Variants in MYH16 observed in about 807,000 individuals in gnomAD.
MYH16 encodes putative uncharacterized protein MYH16.
downstream of MYH16, among the ~76,000 whole-genome samples, chr7:99,307,674 GC>G (rs1792701194): frequency 1.3e-5 from 2 of 151,824 alleles, no homozygotes; most frequent in African/African-American, 2.4e-5. Flanking sequence ...CAATGATCTA[GC>G]ATTCCAGCCT....
chr7:99,272,986 G>A (rs1046602107), intron 19 of MYH16, among the ~76,000 whole-genome samples: 3 of 152,112 alleles, frequency 2.0e-5, no homozygotes, highest in African/African-American at 7.2e-5. Flanking sequence ...AACAAGAAAC[G>A]GGCAGATTCC....
At chr7:99,270,323 A>ATTT (rs1181065806) in intron 18 of MYH16, among the ~76,000 whole-genome samples, 1 of 136,246 alleles carries the variant, frequency 7.3e-6, no homozygotes, top group Non-Finnish European at 1.6e-5. Flanking sequence ...AGAAAAAAAA[A>ATTT]TTTTTTTTTT....
At chr7:99,287,533 C>CAAAAAAAAA (rs397889162) in intron 28 of MYH16, among the ~76,000 whole-genome samples, 7 of 46,876 alleles carry the variant, frequency 1.5e-4, no homozygotes, top group African/African-American at 4.7e-4. Flanking sequence ...AACTTCTTCT[C>CAAAAAAAAA]AAAAAAAAAA....
rs1166234974 is a variant in MYH16, at chr7:99,283,863, G to A, written n.3080-10G>A. 3 of 454,610 alleles carry A rather than the reference G, an allele frequency of 6.6e-6. No individual in the cohort carries two copies. The highest frequency in any genetic ancestry group is 2.4e-5 in the Admixed American group (1 of 42,414). The allele number at this position is 454,610 out of a possible 1,614,324, so 28.2% of individuals were successfully genotyped here. A position where few individuals can be genotyped will look rare whatever the true frequency, so the allele number is the denominator to read the frequency against. ...TCGTCTACCTTCTCTTGCTGTTCTT[G>A]TCTCTGTAGCTGGAGGATAACTGGG... On this transcript the variant is annotated splice_polypyrimidine_tract_variant and intron_variant and non_coding_transcript_variant, in intron 24 of 41. Coordinates refer to ENST00000439784, the Ensembl canonical transcript of MYH16.
rs1792041159 is a variant in MYH16 at position 99,271,121 on chromosome 7, G to GC, written n.2403+31dup. On this transcript the variant is annotated intron_variant and non_coding_transcript_variant, in intron 19 of 41. Transcript: ENST00000439784. ...AGCACTCACAAACACCGACAGGAAG[G>GC]CCCAGAGGAGCCACACGCACTCAGG... 2.0e-5 allele frequency: 3 copies of GC among 152,618 alleles called. No homozygotes were observed. The South Asian group carries it at 6.2e-4, about 32-fold the overall frequency. The allele number at this position is 152,618 out of a possible 1,614,324, so 9.5% of individuals were successfully genotyped here.
chr7:99,307,731 A>G (rs142765574), downstream of MYH16, among the ~76,000 whole-genome samples: 449 of 151,968 alleles, frequency 3.0e-3, 4 homozygotes, highest in African/African-American at 0.01. Context: ...AAGTCAAAAT[A>G]CTAGTTTTAT....
chr7:99,279,857 G>T (rs1244355944), intron 22 of MYH16, 120 bp downstream of exon 4: 1 of 358,994 alleles, frequency 2.8e-6, no homozygotes, highest in Non-Finnish European at 5.5e-6. Context: ...GCAGTTTTTT[G>T]GGGGTTTTTT....
exon 37 of MYH16, chr7:99,299,622 T>C (rs531115477): frequency 6.5e-6 from 1 of 153,520 alleles, no homozygotes; most frequent in South Asian, 2.1e-4. Context: ...ACAGCGAACT[T>C]GTAAAGACAT....
chr7:99,283,189 C>T (rs1792225623), intron 23 of MYH16, among the ~76,000 whole-genome samples: 2 of 152,170 alleles, frequency 1.3e-5, no homozygotes, highest in South Asian at 4.1e-4. Flanking sequence ...GCCCCAACCT[C>T]CTGGGCTCGT....
At chr7:99,285,587 T>C (rs1792266477) in intron 27 of MYH16, 149 bp downstream of exon 9, 13 of 388,818 alleles carry the variant, frequency 3.3e-5, no homozygotes, top group South Asian at 2.5e-4. Context: ...ACCTACTGTG[T>C]GCCAGGGACT....
intron 36 of MYH16, 95 bp downstream of exon 17, chr7:99,298,090 G>A (rs1012479952): frequency 8.1e-5 from 34 of 417,770 alleles, no homozygotes; most frequent in Middle Eastern, 5.6e-4. Flanking sequence ...GTCGCGTGAC[G>A]TTGGGCAATT....
chr7:99,243,635 G>A (rs952465827), intron 2 of MYH16, among the ~76,000 whole-genome samples: 1 of 152,186 alleles, frequency 6.6e-6, no homozygotes, highest in Admixed American at 6.5e-5. Context: ...TCCGTGAGCA[G>A]CTTTTGCTGA....
intron 26 of MYH16, 115 bp from the exon 9 acceptor site, chr7:99,285,267 T>A: frequency 4.7e-6 from 2 of 424,386 alleles, no homozygotes; most frequent in South Asian, 3.4e-5. Flanking sequence ...CTCTCTCTGC[T>A]TTTGACAGTG....
chr7:99,273,351 G>T (rs764743496), exon 20 of MYH16: 1 of 456,724 alleles, frequency 2.2e-6, no homozygotes, highest in Admixed American at 2.3e-5. Context: ...GAATGGGCCT[G>T]AAAGTCATTC....
At chr7:99,276,833 CAA>C (rs1792117857) in intron 20 of MYH16, among the ~76,000 whole-genome samples, 1 of 151,252 alleles carries the variant, frequency 6.6e-6, no homozygotes, top group South Asian at 2.1e-4. Flanking sequence ...TAGAGAAAAA[CAA>C]AGAGAAAGAC....
intron 20 of MYH16, among the ~76,000 whole-genome samples, chr7:99,275,370 G>A (rs935541503): frequency 1.3e-5 from 2 of 152,228 alleles, no homozygotes; most frequent in African/African-American, 4.8e-5. Context: ...GATCTCAAGT[G>A]ATCCTCCCCA....
chr7:99,309,270 T>A (rs779995633), downstream of MYH16, among the ~76,000 whole-genome samples: 26 of 152,290 alleles, frequency 1.7e-4, no homozygotes, highest in Non-Finnish European at 2.1e-4. Flanking sequence ...CTGGCCTCAC[T>A]GAATCAACAG....
At chr7:99,243,877 T>A (rs1368401038) in intron 2 of MYH16, among the ~76,000 whole-genome samples, 1 of 135,290 alleles carries the variant, frequency 7.4e-6, no homozygotes, top group Non-Finnish European at 1.6e-5. Flanking sequence ...ATCCAAACAT[T>A]CATCCATCCA....
At chr7:99,243,070 A>C (rs1486129073) in intron 1 of MYH16, among the ~76,000 whole-genome samples, 2 of 152,214 alleles carry the variant, frequency 1.3e-5, no homozygotes, top group Non-Finnish European at 2.9e-5. Flanking sequence ...TGTCATCTCA[A>C]CTTCAGAGAG....
Sources: allele counts gnomAD v4.1 joint callset (sites outside exome capture counted in the v4.1 genomes callset), GRCh38; gene constraint gnomAD v4.1.1; transcripts MANE v1.5; gene names NCBI Gene and HGNC (gene_info 2026-07-23, HGNC 2026-07-21).